SLC4A4: variants seen among roughly 807,000 people sequenced by gnomAD.
SLC4A4 encodes the protein solute carrier family 4 member 4.
SLC4A4 carries 27 observed loss-of-function variants against 111.5 expected under a neutral mutation model. That is an observed-to-expected ratio of 0.24 (90% CI 0.18 to 0.33). The LOEUF is 0.33. Among genes scored for constraint, SLC4A4 ranks in the 10% least tolerant of loss-of-function variants. SLC4A4 has a pLI of 1.00. For missense variants in SLC4A4, 909 were observed against 1,315.5 expected, an observed-to-expected ratio of 0.69 and a Z score of 4.78; for synonymous variants, 443 against 463.4, an observed-to-expected ratio of 0.96 and a Z score of 0.57.
intron 2 of SLC4A4, among the ~76,000 whole-genome samples, chr4:71,144,430 G>A (rs1744104984): frequency 6.6e-6 from 1 of 152,130 alleles, no homozygotes; most frequent in Non-Finnish European, 1.5e-5. Flanking sequence ...GGCAATGCGG[G>A]CTCTTTTTTG....
At chr4:71,180,807 A>G (rs1462513414) in intron 2 of SLC4A4, among the ~76,000 whole-genome samples, 1 of 152,208 alleles carries the variant, frequency 6.6e-6, no homozygotes. Context: ...TCAGGGATCT[A>G]GAACTAGCAA....
intron 8 of SLC4A4, among the ~76,000 whole-genome samples, chr4:71,442,697 A>G (rs1012807889): frequency 1.3e-5 from 2 of 152,262 alleles, no homozygotes; most frequent in Admixed American, 1.3e-4. Context: ...GTTTGTGTGT[A>G]TCTTTTTATG....
intron 7 of SLC4A4, among the ~76,000 whole-genome samples, chr4:71,427,813 A>G (rs879648453): frequency 6.6e-6 from 1 of 152,188 alleles, no homozygotes; most frequent in Non-Finnish European, 1.5e-5. Flanking sequence ...ATCCACACAG[A>G]ATCTGAATCT....
At chr4:71,437,615 C>T (rs896222627) in intron 7 of SLC4A4, 21 of 519,822 alleles carry the variant, frequency 4.0e-5, no homozygotes, top group East Asian at 2.2e-4. Flanking sequence ...AATTTGCCTT[C>T]GTCAACATCC....
At chr4:71,195,087 T>C (rs1047876347) in intron 1 of SLC4A4, among the ~76,000 whole-genome samples, 8 of 152,084 alleles carry the variant, frequency 5.3e-5, no homozygotes, top group African/African-American at 1.9e-4. Context: ...TTTGGGGAAT[T>C]ACATGATCTT....
chr4:71,063,903 C>A (rs1441875632), intron 1 of SLC4A4, among the ~76,000 whole-genome samples: 1 of 152,054 alleles, frequency 6.6e-6, no homozygotes, highest in East Asian at 1.9e-4. Context: ...TTTTACAGGT[C>A]TAACCTGCTT....
chr4:71,516,350 G>A (rs984092747), intron 16 of SLC4A4, among the ~76,000 whole-genome samples: 14 of 151,992 alleles, frequency 9.2e-5, no homozygotes, highest in Non-Finnish European at 1.6e-4. Flanking sequence ...ACCTGCCTTG[G>A]CCTCCCAAAG....
chr4:71,191,119 T>G (rs1471741681), intron 1 of SLC4A4, among the ~76,000 whole-genome samples: 4 of 152,386 alleles, frequency 2.6e-5, no homozygotes, highest in Non-Finnish European at 4.4e-5. Flanking sequence ...GTAAATATTC[T>G]GAACACATTT....
At chr4:71,395,510 G>A (rs769974192) in intron 6 of SLC4A4, among the ~76,000 whole-genome samples, 11 of 152,108 alleles carry the variant, frequency 7.2e-5, no homozygotes, top group Admixed American at 2.0e-4. Context: ...TATAAATATA[G>A]ATAGCCATAC....
chr4:71,518,786 C>T (rs181585997), intron 16 of SLC4A4, among the ~76,000 whole-genome samples: 85 of 152,270 alleles, frequency 5.6e-4, no homozygotes, highest in Non-Finnish European at 9.9e-4. Flanking sequence ...CAGAGCAGGC[C>T]AGGAGCATGG....
intron 1 of SLC4A4, among the ~76,000 whole-genome samples, chr4:71,224,728 T>G (rs987978460): frequency 1.3e-5 from 2 of 152,198 alleles, no homozygotes; most frequent in Non-Finnish European, 2.9e-5. Context: ...AGGTAAGTGA[T>G]GTAATTTGAA....
intron 3 of SLC4A4, among the ~76,000 whole-genome samples, chr4:71,290,753 T>C (rs1420251640): frequency 6.6e-6 from 1 of 152,210 alleles, no homozygotes; most frequent in Non-Finnish European, 1.5e-5. Context: ...TTTTATATTA[T>C]GTGGGAGAGA....
intron 1 of SLC4A4, among the ~76,000 whole-genome samples, chr4:71,092,547 T>C (rs1560715041): frequency 6.6e-6 from 1 of 152,114 alleles, no homozygotes; most frequent in African/African-American, 2.4e-5. Flanking sequence ...AATTTGCACG[T>C]CATGTTACAT....
intron 1 of SLC4A4, among the ~76,000 whole-genome samples, chr4:71,080,151 A>T (rs1741953570): frequency 6.6e-6 from 1 of 152,104 alleles, no homozygotes. Flanking sequence ...TTACCTTGAC[A>T]GCAGGAGTGC....
At chr4:71,308,477 G>A (rs1034774688) in intron 3 of SLC4A4, among the ~76,000 whole-genome samples, 5 of 152,154 alleles carry the variant, frequency 3.3e-5, no homozygotes, top group Non-Finnish European at 7.4e-5. Flanking sequence ...CTCCCAGCGA[G>A]ACCAATGCAG....
Position 71,472,956 on chromosome 4 carries a change from T to C in SLC4A4, c.1889T>C (p.Val630Ala). 1 of 1,613,010 alleles carries C rather than the reference T, an allele frequency of 6.2e-7. No homozygotes were observed. Among genetic ancestry groups the C allele is most frequent in the Non-Finnish European group, 8.5e-7 (1 of 1,179,374 alleles). ...GYNTLFSCTC[V>A]PPDPANISIS... ...AACACTCTCTTTTCCTGTACCTGTG[T>C]GCCACCTGACCCAGGTGAGGGCATT... Residue 630 changes from valine (V) to alanine (A), a missense_variant, in exon 14 of 26, where the codon GTG becomes GCG. By Grantham distance (64) the Val-to-Ala change is moderately conservative (BLOSUM62 0). Coordinates refer to ENST00000264485, the MANE Select transcript of SLC4A4 (RefSeq NM_001098484.3).
intron 12 of SLC4A4, among the ~76,000 whole-genome samples, chr4:71,458,577 A>G (rs1347120602): frequency 6.6e-6 from 1 of 152,084 alleles, no homozygotes; most frequent in African/African-American, 2.4e-5. Flanking sequence ...AACAGAGCAC[A>G]TTTTAAGGGA....
rs1385516668 is a variant in SLC4A4 at position 71,560,139 on chromosome 4, C to G, written c.2984C>G (p.Ser995Cys). Reference protein sequence around the residue: ...AVRKGMDYLFSQHDLSFLDDV... With the variant: ...AVRKGMDYLFCQHDLSFLDDV... ...AGAAAAGGCATGGACTACCTCTTCT[C>G]CCAGCACGACCTCAGCTTCCTGGAT... The change falls in exon 23 of 26, where the codon TCC (serine) becomes TGC (cysteine). Residue 995 changes from serine to cysteine, a missense_variant. Physicochemically the swap from Ser to Cys is moderately radical, Grantham distance 112. Coordinates refer to ENST00000264485, the MANE Select transcript of SLC4A4 (RefSeq NM_001098484.3). The G allele has an allele frequency of 6.2e-7, 1 of 1,611,298 alleles. No individual in the cohort carries two copies. Among genetic ancestry groups the G allele is most frequent in the Admixed American group, 1.7e-5 (1 of 59,844 alleles).
At chr4:71,226,016 A>G (rs1241613662) in intron 1 of SLC4A4, among the ~76,000 whole-genome samples, 1 of 152,256 alleles carries the variant, frequency 6.6e-6, no homozygotes, top group East Asian at 1.9e-4. Context: ...ATTTGCAGGT[A>G]GCTGCCATCC....
Sources: allele counts gnomAD v4.1 joint callset (sites outside exome capture counted in the v4.1 genomes callset), GRCh38; gene constraint gnomAD v4.1.1; transcripts MANE v1.5; gene names NCBI Gene and HGNC (gene_info 2026-07-23, HGNC 2026-07-21).